Variants in TUSC3 observed in about 807,000 individuals in gnomAD.
TUSC3 encodes the protein dolichyl-diphosphooligosaccharide--protein glycosyltransferase subunit TUSC3.
In TUSC3, 45 loss-of-function variants were observed where a neutral mutation model predicts 44.8. The observed-to-expected ratio is 1.00, with a 90% confidence interval of 0.79 to 1.29. TUSC3 has a LOEUF of 1.29. Among genes scored for constraint, TUSC3 ranks in the 50% most tolerant of loss-of-function variants. The probability of loss-of-function intolerance (pLI) is 0.00; values close to 1 mark genes in which losing one functional copy is unlikely to be tolerated. For synonymous variants in TUSC3, 212 were observed against 152.9 expected (o/e 1.39, Z -2.85); for missense variants, 519 against 437.9 (o/e 1.19, Z -1.65).
intron 6 of TUSC3, among the ~76,000 whole-genome samples, chr8:15,722,252 T>TC (rs1293433771): frequency 1.3e-5 from 2 of 151,060 alleles, no homozygotes; most frequent in Non-Finnish European, 2.9e-5. Flanking sequence ...TTTCTTTCTT[T>TC]TTTTTTTTTT....
intron 1 of TUSC3, among the ~76,000 whole-genome samples, chr8:15,479,244 T>G (rs1304203555): frequency 6.6e-6 from 1 of 152,224 alleles, no homozygotes; most frequent in Non-Finnish European, 1.5e-5. Flanking sequence ...GTCTGTTTAC[T>G]CTGATGATAG....
At chr8:15,516,669 G>T (rs1801219892) in intron 2 of TUSC3, among the ~76,000 whole-genome samples, 1 of 151,980 alleles carries the variant, frequency 6.6e-6, no homozygotes, top group Admixed American at 6.6e-5. Flanking sequence ...TAACCAGAGG[G>T]CAAAAATCTT....
chr8:15,700,772 G>A (rs1809360187), intron 6 of TUSC3, among the ~76,000 whole-genome samples: 1 of 149,848 alleles, frequency 6.7e-6, no homozygotes, highest in African/African-American at 2.5e-5. Context: ...AGAGACAGAT[G>A]TCTCTTTCAG....
chr8:15,475,537 C>T (rs1249081851), intron 1 of TUSC3, among the ~76,000 whole-genome samples: 3 of 152,100 alleles, frequency 2.0e-5, no homozygotes, highest in Non-Finnish European at 2.9e-5. Flanking sequence ...ACATTGAGAT[C>T]AGAAATTGTT....
At chr8:15,588,849 C>G (rs1167620221) in intron 1 of TUSC3, among the ~76,000 whole-genome samples, 3 of 152,030 alleles carry the variant, frequency 2.0e-5, no homozygotes, top group African/African-American at 7.2e-5. Flanking sequence ...AGTTTTGTTG[C>G]ATATCAGTTG....
chr8:15,798,012 T>G, the TUSC3 span, among the ~76,000 whole-genome samples: 6 of 152,152 alleles, frequency 3.9e-5, no homozygotes, highest in African/African-American at 9.7e-5. Context: ...TTCCTTTCCC[T>G]AAGATGCTAT....
At chr8:15,522,232 C>G (rs927405782) in intron 2 of TUSC3, among the ~76,000 whole-genome samples, 1 of 150,682 alleles carries the variant, frequency 6.6e-6, no homozygotes, top group Non-Finnish European at 1.5e-5. Flanking sequence ...GTATTCAGCC[C>G]TTTGTTTTTT....
At position 15,641,181 on chromosome 8, in the gene TUSC3, A is replaced by G. The variant is rs559391826; in HGVS notation, c.309-9516A>G. ...CGAGACCATCCTGGCCAACATGGTG[A>G]AACCCCTGTCTCTACCAGAAATAGA... On this transcript the variant is annotated intron_variant, in intron 2 of 10. Coordinates refer to ENST00000503731, the MANE Select transcript of TUSC3 (RefSeq NM_006765.4). 4.0e-5 allele frequency among the ~76,000 whole-genome samples: 6 copies of G among 151,684 alleles called. No homozygotes were observed. In the East Asian group the frequency reaches 1.2e-3, roughly 30 times the overall value.
chr8:15,427,754 G>A (rs1799822236), intron 1 of TUSC3, among the ~76,000 whole-genome samples: 1 of 152,144 alleles, frequency 6.6e-6, no homozygotes, highest in Non-Finnish European at 1.5e-5. Context: ...AACTACCACT[G>A]CTAACAGCCA....
chr8:15,650,971 A>T, intron 3 of TUSC3, 157 bp downstream of exon 3: 1 of 656,966 alleles, frequency 1.5e-6, no homozygotes, highest in African/African-American at 1.9e-5. Flanking sequence ...GGTGGAGGAC[A>T]GAGCAAGACT....
At chr8:15,658,522 A>G (rs946536806) in intron 3 of TUSC3, among the ~76,000 whole-genome samples, 1 of 152,022 alleles carries the variant, frequency 6.6e-6, no homozygotes, top group Non-Finnish European at 1.5e-5. Context: ...TTATTAGAAA[A>G]TACTGAACTG....
intron 7 of TUSC3, chr8:15,733,278 A>G (rs994432917): frequency 6.2e-6 from 2 of 321,852 alleles, no homozygotes; most frequent in African/African-American, 4.5e-5. Context: ...ATTAAAGCAA[A>G]TGGATAGAAA....
At chr8:15,584,920 G>C (rs988972016) in intron 1 of TUSC3, among the ~76,000 whole-genome samples, 4 of 152,098 alleles carry the variant, frequency 2.6e-5, no homozygotes, top group Admixed American at 1.3e-4. Flanking sequence ...AGTGTTTGTA[G>C]TTTATATTGT....
In TUSC3 at chr8:15,673,793, G is replaced by T. The variant is rs1306297233; in HGVS notation, c.755G>T (p.Arg252Leu). ...TCTGGCCAGATGTGGAACCATATCC[G>T]TGGACCTCCATATGCTCATAAGAAC... ...MTSGQMWNHI[R>L]GPPYAHKNPH... is the part of the protein sequence containing the mutation. The change falls in exon 6 of 11, where the codon CGT (arginine) becomes CTT (leucine). Residue 252 changes from arginine to leucine, a missense_variant. Physicochemically the swap from Arg to Leu is moderately radical, Grantham distance 102. Coordinates refer to ENST00000503731, the MANE Select transcript of TUSC3 (RefSeq NM_006765.4). 1 of 1,612,788 alleles carries T rather than the reference G, an allele frequency of 6.2e-7. No individual in the cohort carries two copies.
At chr8:15,797,010 A>T in the TUSC3 span, among the ~76,000 whole-genome samples, 1 of 152,264 alleles carries the variant, frequency 6.6e-6, no homozygotes, top group Non-Finnish European at 1.5e-5. Flanking sequence ...CACCGTTCCC[A>T]TTGGGGTCAG....
At chr8:15,475,775 T>C (rs958780942) in intron 1 of TUSC3, among the ~76,000 whole-genome samples, 1 of 152,178 alleles carries the variant, frequency 6.6e-6, no homozygotes, top group African/African-American at 2.4e-5. Flanking sequence ...GGAACTAGTT[T>C]GCATTTTATA....
chr8:15,804,741 G>A, the TUSC3 span, among the ~76,000 whole-genome samples: 3 of 152,160 alleles, frequency 2.0e-5, no homozygotes, highest in Non-Finnish European at 2.9e-5. Context: ...AGTATACTTT[G>A]AAGTTGGGTA....
intron 1 of TUSC3, among the ~76,000 whole-genome samples, chr8:15,615,991 C>A (rs1335164037): frequency 6.6e-6 from 1 of 152,128 alleles, no homozygotes; most frequent in African/African-American, 2.4e-5. Context: ...ACCATGAAGA[C>A]TGGCTCATTT....
intron 6 of TUSC3, among the ~76,000 whole-genome samples, chr8:15,708,075 T>C (rs1051127863): frequency 1.3e-5 from 2 of 151,962 alleles, no homozygotes. Flanking sequence ...TGGGCCCTCC[T>C]AAATCCTGAA....
Sources: gnomAD v4.1 joint callset for allele counts (sites outside exome capture counted in the v4.1 genomes callset) on GRCh38, gnomAD v4.1.1 for gene constraint, MANE v1.5 for transcripts, NCBI Gene and HGNC (gene_info 2026-07-23, HGNC 2026-07-21) for gene names.